Variants in INSL6 observed in about 807,000 individuals in gnomAD.
The protein encoded by INSL6 is insulin-like peptide INSL6.
INSL6 carries 16 observed loss-of-function variants against 9.4 expected under a neutral mutation model. That is an observed-to-expected ratio of 1.70 (90% CI 1.15 to 2.59). INSL6 has a LOEUF of 2.59. Ranked by LOEUF, INSL6 falls within the 30% of genes most tolerant of loss-of-function variation. INSL6 has a pLI of 0.00. For missense variants in INSL6, 391 were observed against 257.3 expected (o/e 1.52, Z -3.56); for synonymous variants, 154 against 96.9 (o/e 1.59, Z -3.46).
chr9:5,185,481 ATT>A lies in INSL6; in HGVS notation c.120_121del (p.Glu40AspfsTer75). The A allele has an allele frequency of 2.5e-6, 4 of 1,614,108 alleles. No individual in the cohort carries two copies. Among genetic ancestry groups the A allele is most frequent in the Non-Finnish European group, 3.4e-6 (4 of 1,180,014 alleles). On this transcript the variant is annotated frameshift_variant, in exon 1 of 2. Transcript: ENST00000381641. LOFTEE classifies it high-confidence loss of function. ...GTTGGCATGGCCGCAGAGTTTTTCT[ATT>A]TCTTTCACCAAGTACCTGCCGCACA... is the stretch of plus-strand genomic sequence containing the variant.
the INSL6 span, among the ~76,000 whole-genome samples, chr9:5,059,648 A>G: frequency 8.9e-4 from 135 of 152,290 alleles, no homozygotes; most frequent in African/African-American, 3.0e-3. Context: ...TAGTTCTATC[A>G]GTTCACTCTT....
chr9:5,014,978 A>C, the INSL6 span, among the ~76,000 whole-genome samples: 1 of 152,094 alleles, frequency 6.6e-6, no homozygotes, highest in African/African-American at 2.4e-5. Flanking sequence ...ATATGCCTAA[A>C]CAATGTACTA....
chr9:5,162,012 G>A (rs1446838531), downstream of INSL6, among the ~76,000 whole-genome samples: 3 of 151,980 alleles, frequency 2.0e-5, no homozygotes, highest in Admixed American at 1.3e-4. Flanking sequence ...CCAGGAGGTT[G>A]AGGGTGTAGT....
At chr9:5,028,198 G>A in the INSL6 span, among the ~76,000 whole-genome samples, 1 of 152,332 alleles carries the variant, frequency 6.6e-6, no homozygotes, top group Non-Finnish European at 1.5e-5. Flanking sequence ...AATGGATGTT[G>A]TGTTAGCAGG....
the INSL6 span, chr9:5,029,770 GCTT>G: frequency 6.3e-7 from 1 of 1,597,536 alleles, no homozygotes; most frequent in Non-Finnish European, 8.5e-7. Flanking sequence ...TCCTTTCTCT[GCTT>G]CTTTTCTAGG....
chr9:5,160,917 A>G (rs1421701492), downstream of INSL6, among the ~76,000 whole-genome samples: 2 of 152,202 alleles, frequency 1.3e-5, no homozygotes, highest in Non-Finnish European at 2.9e-5. Flanking sequence ...TGAATAGACC[A>G]GTAACATGTA....
At chr9:5,072,699 C>T in the INSL6 span, 1 of 1,101,664 alleles carries the variant, frequency 9.1e-7, no homozygotes, top group Non-Finnish European at 1.2e-6. Context: ...ATACAACGTA[C>T]TCATGTGTGC....
the INSL6 span, among the ~76,000 whole-genome samples, chr9:5,033,949 C>T: frequency 3.3e-5 from 5 of 152,180 alleles, no homozygotes; most frequent in African/African-American, 4.8e-5. Context: ...GACTGGTAAA[C>T]TGGATAAAGA....
the INSL6 span, chr9:5,080,357 C>G: frequency 6.2e-7 from 1 of 1,613,466 alleles, no homozygotes. Context: ...AGATAAACCT[C>G]TAAGTGCTCT....
the INSL6 span, chr9:5,114,009 G>A: frequency 3.4e-6 from 1 of 291,038 alleles, no homozygotes; most frequent in Non-Finnish European, 6.8e-6. Context: ...GGTCGTGGAT[G>A]TGAACTGGTC....
chr9:5,126,626 C>A, intron 3 of INSL6: 2 of 1,216,970 alleles, frequency 1.6e-6, no homozygotes, highest in Non-Finnish European at 2.4e-6. Context: ...ATGTCTTCCA[C>A]CAATTAAAAG....
At chr9:5,173,409 C>T in intron 1 of INSL6, among the ~76,000 whole-genome samples, 1 of 152,156 alleles carries the variant, frequency 6.6e-6, no homozygotes, top group East Asian at 1.9e-4. Flanking sequence ...CACATATACA[C>T]CATGGAATAC....
At chr9:5,021,485 A>G in the INSL6 span, among the ~76,000 whole-genome samples, 2 of 152,132 alleles carry the variant, frequency 1.3e-5, no homozygotes, top group Non-Finnish European at 2.9e-5. Context: ...AAAATGTATG[A>G]TTTCTTGCAT....
chr9:5,122,774 A>G (rs189428803), downstream of INSL6, among the ~76,000 whole-genome samples: 2 of 152,052 alleles, frequency 1.3e-5, no homozygotes, highest in African/African-American at 4.8e-5. Context: ...TGTACAAACA[A>G]TCTAGGCATA....
At chr9:5,169,832 T>G (rs1467257958) in intron 1 of INSL6, among the ~76,000 whole-genome samples, 2 of 152,186 alleles carry the variant, frequency 1.3e-5, no homozygotes, top group East Asian at 3.9e-4. Flanking sequence ...TAAATATATA[T>G]GCACCCAATA....
At chr9:5,089,826 C>T in the INSL6 span, 4 of 1,588,562 alleles carry the variant, frequency 2.5e-6, no homozygotes, top group Non-Finnish European at 3.4e-6. Context: ...TACAGCATGA[C>T]AACATTGTAA....
the INSL6 span, chr9:5,085,625 C>G: frequency 1.4e-6 from 1 of 709,548 alleles, no homozygotes; most frequent in East Asian, 2.5e-5. Flanking sequence ...CCAGCAAGGA[C>G]AGCCTTCTTT....
At chr9:5,076,065 G>A in the INSL6 span, among the ~76,000 whole-genome samples, 6 of 152,182 alleles carry the variant, frequency 3.9e-5, no homozygotes, top group African/African-American at 1.4e-4. Flanking sequence ...TTGAAGATGT[G>A]ACTCAATTGC....
At chr9:5,089,341 A>G in the INSL6 span, among the ~76,000 whole-genome samples, 1 of 152,056 alleles carries the variant, frequency 6.6e-6, no homozygotes, top group African/African-American at 2.4e-5. Context: ...GATCAAGACA[A>G]TCCTGGCTAA....
Sources: gnomAD v4.1 joint callset for allele counts (sites outside exome capture counted in the v4.1 genomes callset) on GRCh38, gnomAD v4.1.1 for gene constraint, MANE v1.5 for transcripts, NCBI Gene and HGNC (gene_info 2026-07-23, HGNC 2026-07-21) for gene names.